Variants in SPIN1 observed in about 807,000 individuals in gnomAD.
The protein encoded by SPIN1 is spindlin-1.
A neutral mutation model predicts 26.0 loss-of-function variants in SPIN1; 3 were observed. The observed-to-expected ratio is 0.12, with a 90% CI of 0.05 to 0.30. The LOEUF (loss-of-function observed/expected upper bound fraction) is 0.30, where lower values mean the gene tolerates loss of function less well. Ranked by LOEUF, SPIN1 falls within the 10% of genes least tolerant of loss-of-function variation. The probability of loss-of-function intolerance (pLI) is 1.00; values close to 1 mark genes in which losing one functional copy is unlikely to be tolerated. For missense variants in SPIN1, 126 were observed against 333.4 expected (o/e 0.38, Z 4.84); for synonymous variants, 101 against 116.5 (o/e 0.87, Z 0.86).
At chr9:88,421,987 A>G (rs6560086) in intron 1 of SPIN1, among the ~76,000 whole-genome samples, 45,431 of 152,118 alleles carry the variant, frequency 0.3, 12,071 homozygotes, top group African/African-American at 0.71. Context: ...TGAATAAAGC[A>G]AGGTTGATTC....
At chr9:88,434,763 A>G (rs916076398) in intron 2 of SPIN1, among the ~76,000 whole-genome samples, 1 of 152,208 alleles carries the variant, frequency 6.6e-6, no homozygotes, top group South Asian at 2.1e-4. Flanking sequence ...CTTACAGATA[A>G]TAGCTACAAT....
intron 2 of SPIN1, among the ~76,000 whole-genome samples, chr9:88,447,349 A>G (rs1202568896): frequency 6.6e-6 from 1 of 152,078 alleles, no homozygotes; most frequent in Non-Finnish European, 1.5e-5. Flanking sequence ...TTCATAGTCT[A>G]CTTGCTTATG....
At chr9:88,405,559 C>CTTTTT (rs1827282611) in intron 1 of SPIN1, among the ~76,000 whole-genome samples, 2 of 89,694 alleles carry the variant, frequency 2.2e-5, no homozygotes, top group African/African-American at 1.3e-4. Context: ...TTTTTTTTCC[C>CTTTTT]TGAGACAGAG....
intron 1 of SPIN1, among the ~76,000 whole-genome samples, chr9:88,393,582 A>AAT (rs1826983224): frequency 6.7e-6 from 1 of 148,726 alleles, no homozygotes; most frequent in Non-Finnish European, 1.5e-5. Context: ...CAGCCTCCCG[A>AAT]ATAGCTGGGT....
At chr9:88,463,738 ATCTT>A (rs1472766531) in intron 4 of SPIN1, among the ~76,000 whole-genome samples, 1 of 152,202 alleles carries the variant, frequency 6.6e-6, no homozygotes, top group African/African-American at 2.4e-5. Flanking sequence ...TTTCAAAGAA[ATCTT>A]TCTTTAAATT....
chr9:88,414,088 C>T (rs1827512134), intron 1 of SPIN1, among the ~76,000 whole-genome samples: 2 of 151,830 alleles, frequency 1.3e-5, no homozygotes, highest in Non-Finnish European at 2.9e-5. Context: ...AGGGCAGTGT[C>T]TGGGAAGGTC....
intron 1 of SPIN1, chr9:88,391,240 C>A (rs1327546018): frequency 6.6e-6 from 1 of 151,792 alleles, no homozygotes; most frequent in Non-Finnish European, 1.5e-5. Flanking sequence ...AAAATATACC[C>A]AAAAAAATCA....
At chr9:88,466,601 T>C (rs544356124) in intron 4 of SPIN1, among the ~76,000 whole-genome samples, 2 of 152,342 alleles carry the variant, frequency 1.3e-5, no homozygotes, top group Non-Finnish European at 2.9e-5. Context: ...AAACCAGCCA[T>C]ACATGTTTAG....
intron 5 of SPIN1, 31 bp from the exon 6 acceptor site, chr9:88,475,047 C>CT (rs11320023): frequency 0.025 from 20,681 of 838,168 alleles, 69 homozygotes; most frequent in Middle Eastern, 0.028. Context: ...CTCTCTCTCT[C>CT]TTTTTTTTTT....
intron 5 of SPIN1, among the ~76,000 whole-genome samples, chr9:88,473,660 T>TGTGC (rs887908844): frequency 1.3e-5 from 2 of 151,948 alleles, no homozygotes; most frequent in African/African-American, 4.8e-5. Context: ...TGTGTGTGTG[T>TGTGC]GCACGCGCTA....
intron 2 of SPIN1, among the ~76,000 whole-genome samples, chr9:88,444,686 CTTTTCTTTTTTT>C (rs1180529876): frequency 7.4e-6 from 1 of 134,968 alleles, no homozygotes; most frequent in Non-Finnish European, 1.6e-5. Flanking sequence ...TTTACCTTTT[CTTTTCTTTTTTT>C]TTTTTTTTTT....
At chr9:88,403,267 T>C (rs1048458157) in intron 1 of SPIN1, among the ~76,000 whole-genome samples, 27 of 152,244 alleles carry the variant, frequency 1.8e-4, no homozygotes, top group African/African-American at 6.0e-4. Flanking sequence ...TTTCCTTTGC[T>C]GTGCAGAAAC....
intron 3 of SPIN1, among the ~76,000 whole-genome samples, chr9:88,454,651 C>T (rs189021032): frequency 7.9e-5 from 12 of 152,244 alleles, no homozygotes; most frequent in Admixed American, 7.9e-4. Context: ...CATTCTTCAC[C>T]TAGCTTCAAT....
rs190032768 is a variant in SPIN1 at position 88,441,211 on chromosome 9, T to C, written c.53-7730T>C. 2.6e-5 allele frequency among the ~76,000 whole-genome samples: 4 copies of C among 152,004 alleles called. No individual in the cohort carries two copies. In the East Asian group the frequency reaches 7.7e-4, roughly 29 times the overall value. On this transcript the variant is annotated intron_variant, in intron 2 of 5. Transcript: ENST00000375859. ...GGCATTATTAGTAATCTGGAGATGA[T>C]TTAAAGTATATGGGACGGGATGTGC... is the stretch of plus-strand genomic sequence containing the variant.
At chr9:88,410,846 C>T in intron 1 of SPIN1, 2 of 919,516 alleles carry the variant, frequency 2.2e-6, no homozygotes, top group South Asian at 1.3e-5. Context: ...CTGAAACCAC[C>T]TCCACGACCA....
chr9:88,415,911 T>A (rs1215702875), intron 1 of SPIN1, among the ~76,000 whole-genome samples: 1 of 79,498 alleles, frequency 1.3e-5, no homozygotes, highest in Non-Finnish European at 2.1e-5. Flanking sequence ...GCTCGGCTAA[T>A]TTTTTTTTTT....
intron 2 of SPIN1, among the ~76,000 whole-genome samples, chr9:88,448,413 A>G (rs971640718): frequency 4.6e-5 from 7 of 151,810 alleles, no homozygotes; most frequent in African/African-American, 1.7e-4. Context: ...CTGCAGTGGC[A>G]CAAACACAGC....
chr9:88,470,802 C>T (rs1349959722), intron 5 of SPIN1, among the ~76,000 whole-genome samples: 5 of 152,076 alleles, frequency 3.3e-5, no homozygotes, highest in Admixed American at 1.3e-4. Context: ...CCATATTGGC[C>T]GGGCTCCTCT....
intron 3 of SPIN1, among the ~76,000 whole-genome samples, chr9:88,461,545 T>G (rs1828576636): frequency 6.6e-6 from 1 of 152,246 alleles, no homozygotes. Context: ...TACAATAAAT[T>G]GTTTCTTTAA....
Sources: gnomAD v4.1 joint callset for allele counts (sites outside exome capture counted in the v4.1 genomes callset) on GRCh38, gnomAD v4.1.1 for gene constraint, MANE v1.5 for transcripts, NCBI Gene and HGNC (gene_info 2026-07-23, HGNC 2026-07-21) for gene names.